The following SERINC5 variants were observed in gnomAD, a reference collection of about 807,000 sequenced individuals.
The protein encoded by SERINC5 is serine incorporator 5, also known as chromosome 5 open reading frame 12.
A neutral mutation model predicts 63.1 loss-of-function variants in SERINC5; 41 were observed. That is an observed-to-expected ratio of 0.65 (90% CI 0.51 to 0.84). The LOEUF (loss-of-function observed/expected upper bound fraction) is 0.84. Among genes scored for constraint, SERINC5 ranks in the 40% least tolerant of loss-of-function variants. The pLI is 0.00. For synonymous variants in SERINC5, 222 were observed against 215.2 expected (o/e 1.03, Z -0.28); for missense variants, 523 against 573.0 (o/e 0.91, Z 0.89).
intron 1 of SERINC5, among the ~76,000 whole-genome samples, chr5:80,224,890 C>T (rs959806139): frequency 9.9e-5 from 15 of 150,968 alleles, no homozygotes; most frequent in Non-Finnish European, 1.6e-4. Context: ...TCCCAAAGTG[C>T]TGGAATTACA....
chr5:80,210,490 T>C (rs1750382725), intron 1 of SERINC5, among the ~76,000 whole-genome samples: 1 of 152,198 alleles, frequency 6.6e-6, no homozygotes, highest in Non-Finnish European at 1.5e-5. Flanking sequence ...GAGGAAATGC[T>C]CACAGAAACA....
chr5:80,164,431 G>A (rs961656312), intron 7 of SERINC5, among the ~76,000 whole-genome samples: 13 of 152,136 alleles, frequency 8.5e-5, no homozygotes, highest in African/African-American at 2.6e-4. Flanking sequence ...GTAGAGTGCA[G>A]TGGTGCAATA....
At chr5:80,144,377 T>C (rs1745691653) in intron 11 of SERINC5, among the ~76,000 whole-genome samples, 1 of 152,234 alleles carries the variant, frequency 6.6e-6, no homozygotes, top group Non-Finnish European at 1.5e-5. Flanking sequence ...TCAGGAGTAG[T>C]GGAAGAGCTG....
intron 2 of SERINC5, among the ~76,000 whole-genome samples, chr5:80,200,464 C>T (rs1320959978): frequency 3.3e-5 from 5 of 149,796 alleles, no homozygotes; most frequent in Admixed American, 6.7e-5. Flanking sequence ...CCAGCCTGGG[C>T]GACAGAGCAA....
rs1747720108 is a variant in SERINC5 at position 80,172,274 on chromosome 5, T to C, written c.551+2680A>G. On this transcript the variant is annotated intron_variant, in intron 5 of 11. Coordinates refer to ENST00000507668, the MANE Select transcript of SERINC5 (RefSeq NM_001174072.3). ...AGGCAGAGGCTGCGGTGAGCCCAGA[T>C]CATGCCACTGCACTCTAGCCTGGGC... 2.0e-5 allele frequency among the ~76,000 whole-genome samples: 3 copies of C among 151,898 alleles called. No individual in the cohort carries two copies. The South Asian group carries it at 6.3e-4, about 32-fold the overall frequency.
chr5:80,223,194 T>A (rs901567005), intron 1 of SERINC5, among the ~76,000 whole-genome samples: 13 of 152,194 alleles, frequency 8.5e-5, no homozygotes, highest in African/African-American at 3.1e-4. Flanking sequence ...CCTGGGATTT[T>A]ATAAGGCATA....
intron 12 of SERINC5, among the ~76,000 whole-genome samples, chr5:80,113,371 T>C (rs937027709): frequency 3.3e-5 from 5 of 152,182 alleles, no homozygotes; most frequent in African/African-American, 1.2e-4. Context: ...TGCTTGACTC[T>C]CGTGTGGCTG....
chr5:80,142,568 A>T lies in SERINC5; in HGVS notation c.*1095T>A. On this transcript the variant is annotated 3_prime_UTR_variant, in exon 12 of 12. Coordinates refer to ENST00000507668, the MANE Select transcript of SERINC5 (RefSeq NM_001174072.3). ...TCTGGTCAGTGTGTCTGAGATCCTC[A>T]CCTCAGAAATTCTCACATTAGCAAA... 1 of 985,374 alleles carries T rather than the reference A, an allele frequency of 1.0e-6. No individual in the cohort carries two copies. The highest frequency in any genetic ancestry group is 1.2e-6 in the Non-Finnish European group (1 of 829,934). 61.0% of individuals were successfully genotyped at this position (985,374 alleles called of 1,614,324 possible).
intron 2 of SERINC5, among the ~76,000 whole-genome samples, chr5:80,193,774 G>T (rs556643033): frequency 6.6e-6 from 1 of 152,316 alleles, no homozygotes; most frequent in South Asian, 2.1e-4. Context: ...GTATGGGGAA[G>T]GATAAGGCCC....
At chr5:80,208,996 C>T (rs777553915) in intron 1 of SERINC5, among the ~76,000 whole-genome samples, 1 of 152,174 alleles carries the variant, frequency 6.6e-6, no homozygotes, top group East Asian at 1.9e-4. Flanking sequence ...TTAGACCAGG[C>T]GCGGTGGATC....
intron 8 of SERINC5, 130 bp downstream of exon 8, chr5:80,158,706 C>T: frequency 1.2e-6 from 1 of 852,334 alleles, no homozygotes; most frequent in East Asian, 2.6e-5. Flanking sequence ...CGCTCTTCGC[C>T]TTTTTACTTG....
intron 4 of SERINC5, among the ~76,000 whole-genome samples, chr5:80,175,817 T>C (rs1747989530): frequency 6.9e-6 from 1 of 143,944 alleles, no homozygotes; most frequent in African/African-American, 2.7e-5. Flanking sequence ...TGAGCTGAGA[T>C]TGCACCACTG....
chr5:80,229,057 G>GGGGGGGGGGTTT, intron 1 of SERINC5, among the ~76,000 whole-genome samples: 1 of 103,156 alleles, frequency 9.7e-6, no homozygotes. Context: ...TTTTGGGGAT[G>GGGGGGGGGGTTT]GAGTTGCCTA....
At chr5:80,111,705 AAGAG>A (rs1402185072) in intron 12 of SERINC5, 1 of 152,220 alleles carries the variant, frequency 6.6e-6, no homozygotes, top group Admixed American at 6.5e-5. Context: ...TTTCTCAGCT[AAGAG>A]AGAGTCAATC....
chr5:80,162,876 T>A (rs1043976105), intron 7 of SERINC5, among the ~76,000 whole-genome samples: 13 of 151,844 alleles, frequency 8.6e-5, no homozygotes, highest in Admixed American at 5.9e-4. Flanking sequence ...TTTCACTCTG[T>A]TGTCCAGGCT....
chr5:80,149,997 TTGGATG>T (rs1285749471), intron 9 of SERINC5, among the ~76,000 whole-genome samples: 10 of 152,188 alleles, frequency 6.6e-5, no homozygotes, highest in African/African-American at 2.4e-4. Context: ...CCTTGAGGCT[TTGGATG>T]TGCAGGCAAC....
At chr5:80,236,664 T>C (rs1375464286) in intron 1 of SERINC5, among the ~76,000 whole-genome samples, 1 of 151,920 alleles carries the variant, frequency 6.6e-6, no homozygotes, top group Non-Finnish European at 1.5e-5. Context: ...TAGCTGGGAT[T>C]ACAGGTGCAC....
At chr5:80,254,539 C>T (rs528691617) in intron 1 of SERINC5, among the ~76,000 whole-genome samples, 1 of 152,298 alleles carries the variant, frequency 6.6e-6, no homozygotes, top group African/African-American at 2.4e-5. Context: ...CCCTAAAGAG[C>T]TGTATCATTA....
rs1409203143 is a variant in SERINC5 at position 80,139,594 on chromosome 5, A to AG, written c.*4068_*4069insC. On this transcript the variant is annotated 3_prime_UTR_variant, in exon 12 of 12. Coordinates refer to ENST00000507668, the MANE Select transcript of SERINC5 (RefSeq NM_001174072.3). Reference sequence around the variant, plus strand: ...TGTGAAAGAGTTGTTGAGAAAGAAGAAAAGAGAGAGAGAGAGAAAGGTCTA... The same window carrying AG: ...TGTGAAAGAGTTGTTGAGAAAGAAGAGAAAGAGAGAGAGAGAGAAAGGTCTA... The AG allele has an allele frequency of 1.7e-5, 9 of 514,978 alleles. No homozygotes were observed. In the African/African-American group the frequency reaches 4.6e-4, roughly 26 times the overall value. The allele number at this position is 514,978 out of a possible 1,614,324, so 31.9% of individuals were successfully genotyped here. A position where few individuals can be genotyped will look rare whatever the true frequency, so the allele number is the denominator to read the frequency against.
Sources: allele counts gnomAD v4.1 joint callset (sites outside exome capture counted in the v4.1 genomes callset), GRCh38; gene constraint gnomAD v4.1.1; transcripts MANE v1.5; gene names NCBI Gene and HGNC (gene_info 2026-07-23, HGNC 2026-07-21).